NXPE2: variants seen among roughly 807,000 people sequenced by gnomAD.
NXPE2 encodes the protein neurexophilin and PC-esterase domain family member 2.
Under a neutral mutation model 34.4 loss-of-function variants are expected in NXPE2, and 34 were observed. The observed-to-expected ratio is 0.99, with a 90% confidence interval of 0.75 to 1.31. NXPE2 has a LOEUF of 1.31. Among genes scored for constraint, NXPE2 ranks in the 40% most tolerant of loss-of-function variants. The pLI, the probability that NXPE2 is intolerant of heterozygous loss-of-function variation, is 0.00. For missense variants in NXPE2, 649 were observed against 672.5 expected (o/e 0.97, Z 0.39); for synonymous variants, 235 against 231.3 (o/e 1.02, Z -0.15).
downstream of NXPE2, among the ~76,000 whole-genome samples, chr11:114,710,003 G>C (rs1859581678): frequency 1.3e-5 from 2 of 152,036 alleles, no homozygotes; most frequent in Admixed American, 1.3e-4. Context: ...AACAGCCTAT[G>C]GGTCAAAGAA....
the NXPE2 span, among the ~76,000 whole-genome samples, chr11:114,664,357 A>C: frequency 6.6e-6 from 1 of 152,186 alleles, no homozygotes; most frequent in African/African-American, 2.4e-5. Flanking sequence ...GGCTGAACAC[A>C]AAGGTGTATA....
At chr11:114,644,475 A>G in the NXPE2 span, among the ~76,000 whole-genome samples, 1 of 152,210 alleles carries the variant, frequency 6.6e-6, no homozygotes, top group Admixed American at 6.5e-5. Context: ...GGAGTGTTAA[A>G]TTTTATCAAT....
At chr11:114,684,036 T>G (rs181974654) in intron 2 of NXPE2, among the ~76,000 whole-genome samples, 89 of 152,234 alleles carry the variant, frequency 5.8e-4, no homozygotes, top group African/African-American at 2.0e-3. Flanking sequence ...AAAGATGGGT[T>G]TAGGTATGAA....
the NXPE2 span, among the ~76,000 whole-genome samples, chr11:114,579,859 A>G: frequency 6.6e-6 from 1 of 152,204 alleles, no homozygotes; most frequent in East Asian, 1.9e-4. Flanking sequence ...CTTTGGTTCC[A>G]TCAATAGTTT....
the NXPE2 span, among the ~76,000 whole-genome samples, chr11:114,774,729 C>A: frequency 6.6e-6 from 1 of 152,134 alleles, no homozygotes; most frequent in Admixed American, 6.5e-5. Context: ...TTTTCCTTCC[C>A]CATCTCTTGC....
chr11:114,517,903 C>T, the NXPE2 span: 1 of 152,310 alleles, frequency 6.6e-6, no homozygotes, highest in Non-Finnish European at 1.5e-5. Flanking sequence ...GCTAGTCCTC[C>T]TCTTTGTTAT....
At chr11:114,486,848 G>C in the NXPE2 span, among the ~76,000 whole-genome samples, 2 of 151,962 alleles carry the variant, frequency 1.3e-5, no homozygotes, top group Non-Finnish European at 2.9e-5. Flanking sequence ...CTGTTCTATT[G>C]GTCTGTGTGT....
At chr11:114,793,330 CT>C in the NXPE2 span, among the ~76,000 whole-genome samples, 2 of 151,756 alleles carry the variant, frequency 1.3e-5, no homozygotes, top group Middle Eastern at 3.4e-3. Context: ...GTTACTACCA[CT>C]TTTTTTTTCT....
the NXPE2 span, chr11:114,583,457 A>G: frequency 3.0e-6 from 2 of 665,784 alleles, no homozygotes; most frequent in Non-Finnish European, 2.8e-6. Flanking sequence ...CAAGTACCAC[A>G]GTGATGACTA....
chr11:114,611,477 A>G, the NXPE2 span, among the ~76,000 whole-genome samples: 3 of 151,912 alleles, frequency 2.0e-5, no homozygotes, highest in African/African-American at 7.2e-5. Flanking sequence ...GTGGGTAACC[A>G]CTGTTACCCT....
chr11:114,775,746 G>A, the NXPE2 span, among the ~76,000 whole-genome samples: 5 of 152,092 alleles, frequency 3.3e-5, no homozygotes, highest in African/African-American at 9.7e-5. Context: ...GGAAGTTCAA[G>A]GTCATGGCCC....
chr11:114,500,775 G>T, the NXPE2 span, among the ~76,000 whole-genome samples: 1 of 151,968 alleles, frequency 6.6e-6, no homozygotes, highest in Non-Finnish European at 1.5e-5. Context: ...TTTATATTTG[G>T]TATGAAGTGG....
the NXPE2 span, among the ~76,000 whole-genome samples, chr11:114,808,926 T>C: frequency 1.3e-5 from 2 of 152,136 alleles, no homozygotes; most frequent in African/African-American, 2.4e-5. Context: ...TTGATGAACA[T>C]TGATGCAAAA....
At chr11:114,484,201 T>C in the NXPE2 span, among the ~76,000 whole-genome samples, 1 of 152,194 alleles carries the variant, frequency 6.6e-6, no homozygotes, top group Non-Finnish European at 1.5e-5. Flanking sequence ...AACTCTGCCG[T>C]CCTTTCCAAT....
chr11:114,492,796 C>G, the NXPE2 span, among the ~76,000 whole-genome samples: 1 of 152,176 alleles, frequency 6.6e-6, no homozygotes, highest in African/African-American at 2.4e-5. Context: ...GCCTTGGCCT[C>G]CCAAAGTGCT....
At chr11:114,758,429 C>G in the NXPE2 span, among the ~76,000 whole-genome samples, 1 of 152,062 alleles carries the variant, frequency 6.6e-6, no homozygotes, top group Non-Finnish European at 1.5e-5. Flanking sequence ...ACATTTTTCT[C>G]GAGCAAAAAG....
chr11:114,650,035 T>C, the NXPE2 span, among the ~76,000 whole-genome samples: 2 of 152,148 alleles, frequency 1.3e-5, no homozygotes, highest in Non-Finnish European at 2.9e-5. Context: ...ACATAAACTG[T>C]AATAAACTTC....
At chr11:114,797,024 A>G in the NXPE2 span, among the ~76,000 whole-genome samples, 1 of 152,230 alleles carries the variant, frequency 6.6e-6, no homozygotes, top group Non-Finnish European at 1.5e-5. Context: ...CTGTGTTAAT[A>G]GGGATCCGTG....
At chr11:114,744,629 G>GTGA in the NXPE2 span, among the ~76,000 whole-genome samples, 6 of 152,030 alleles carry the variant, frequency 3.9e-5, no homozygotes, top group African/African-American at 1.5e-4. Context: ...GGGAAGCATG[G>GTGA]TGAAATCCAG....
Sources: gnomAD v4.1 joint callset for allele counts (sites outside exome capture counted in the v4.1 genomes callset) on GRCh38, gnomAD v4.1.1 for gene constraint, MANE v1.5 for transcripts, NCBI Gene and HGNC (gene_info 2026-07-23, HGNC 2026-07-21) for gene names.